Variants in B3GALNT2 observed in about 807,000 individuals in gnomAD.
B3GALNT2 encodes the protein beta-1,3-N-acetylgalactosaminyltransferase 2.
In B3GALNT2, 53 loss-of-function variants were observed where a neutral mutation model predicts 61.1. The observed-to-expected ratio is 0.87, with a 90% CI of 0.70 to 1.09. B3GALNT2 has a LOEUF of 1.09. Ranked by LOEUF, B3GALNT2 falls within the 50% of genes least tolerant of loss-of-function variation. The pLI is 0.00. For missense variants in B3GALNT2, 544 were observed against 623.0 expected, an observed-to-expected ratio of 0.87 and a Z score of 1.35; for synonymous variants, 223 against 237.4, an observed-to-expected ratio of 0.94 and a Z score of 0.56.
chr1:235,500,642 C>G (rs1025677043), intron 1 of B3GALNT2, among the ~76,000 whole-genome samples: 3 of 152,066 alleles, frequency 2.0e-5, no homozygotes, highest in African/African-American at 7.3e-5. Flanking sequence ...AACATGTGAG[C>G]CTGTCACAGA....
At chr1:235,442,480 ATTCT>A (rs1558394794), downstream of B3GALNT2, among the ~76,000 whole-genome samples, 10 of 152,342 alleles carry the variant, frequency 6.6e-5, no homozygotes, top group Admixed American at 3.9e-4. Flanking sequence ...AAAGAAATGA[ATTCT>A]TTAAAACATG....
At chr1:235,480,905 CAAAAAAAAAAAAAAAAAAAAAAA>C (rs55666590) in intron 4 of B3GALNT2, among the ~76,000 whole-genome samples, 10 of 31,172 alleles carry the variant, frequency 3.2e-4, no homozygotes, top group South Asian at 2.2e-3. Flanking sequence ...GACTCTGTCT[CAAAAAAAAAAAAAAAAAAAAAAA>C]AAAAAAAAAA....
Position 235,458,762 on chromosome 1 carries a change from A to C in B3GALNT2, c.866T>G (p.Leu289Arg). Residue 289 changes from leucine (L) to arginine (R), a missense_variant, in exon 8 of 12, where the codon CTT becomes CGT. Transcript: ENST00000366600. The part of the protein sequence containing the change: ...IQEGDALLHN[L>R]HSRPQRLIDH... Reference sequence around the variant, plus strand: ...AATAAGTCTTTGAGGGCGAGAATGAAGGTTGTGTAAGAGAGCATCACCTTC... The same window carrying C: ...AATAAGTCTTTGAGGGCGAGAATGACGGTTGTGTAAGAGAGCATCACCTTC... The C allele has an allele frequency of 6.3e-7, 1 of 1,599,150 alleles. No homozygotes were observed.
intron 4 of B3GALNT2, among the ~76,000 whole-genome samples, 165 bp from the exon 5 acceptor site, chr1:235,480,314 T>C (rs573916741): frequency 3.3e-5 from 5 of 152,288 alleles, no homozygotes; most frequent in Non-Finnish European, 7.3e-5. Context: ...GGTTTTCTAG[T>C]GCAGTCATGG....
At chr1:235,441,869 A>G in the B3GALNT2 span, 1 of 1,614,062 alleles carries the variant, frequency 6.2e-7, no homozygotes. Context: ...TTATGCTGAA[A>G]AACCAGCTAC....
rs1397100464 is a variant in B3GALNT2, at chr1:235,447,330, C to T, written c.*2876G>A. 6.6e-6 allele frequency among the ~76,000 whole-genome samples: 1 copy of T among 152,180 alleles called. No individual in the cohort carries two copies. Among genetic ancestry groups the T allele is most frequent in the African/African-American group, 2.4e-5 (1 of 41,436 alleles). ...GAATACACTGTGATATTTGTAGGAA[C>T]ACCACACTATTGCTGTATCTCCAGC... On this transcript the variant is annotated 3_prime_UTR_variant, in exon 12 of 12. Coordinates refer to ENST00000366600, the MANE Select transcript of B3GALNT2 (RefSeq NM_152490.5).
chr1:235,458,420 T>C (rs1456797096), intron 8 of B3GALNT2, among the ~76,000 whole-genome samples, 183 bp downstream of exon 8: 1 of 151,960 alleles, frequency 6.6e-6, no homozygotes. Context: ...CACAGTGTCA[T>C]GTGCCTGTAA....
chr1:235,473,167 C>A (rs1474122041), intron 5 of B3GALNT2, among the ~76,000 whole-genome samples: 5 of 152,204 alleles, frequency 3.3e-5, no homozygotes, highest in Non-Finnish European at 7.4e-5. Context: ...CCTGCCTCAG[C>A]CTCCCAAAGT....
intron 7 of B3GALNT2, chr1:235,464,124 A>C (rs1393483953): frequency 6.6e-6 from 1 of 152,224 alleles, no homozygotes; most frequent in Non-Finnish European, 1.5e-5. Context: ...TAAAACTATA[A>C]AACTCTTGGA....
chr1:235,469,118 A>G (rs913522032), intron 6 of B3GALNT2, among the ~76,000 whole-genome samples: 1 of 152,206 alleles, frequency 6.6e-6, no homozygotes, highest in Admixed American at 6.5e-5. Flanking sequence ...CTGGACTGTA[A>G]GTTCCACGGT....
chr1:235,479,009 T>C (rs1396482041), intron 5 of B3GALNT2: 1 of 152,240 alleles, frequency 6.6e-6, no homozygotes, highest in East Asian at 1.9e-4. Context: ...AGCAGTATGC[T>C]GAGAGTAGCG....
intron 8 of B3GALNT2, 152 bp from the exon 9 acceptor site, chr1:235,455,836 T>G: frequency 1.0e-6 from 1 of 993,552 alleles, no homozygotes; most frequent in East Asian, 2.6e-5. Context: ...TAACAAAATT[T>G]TGCTGCTATC....
intron 1 of B3GALNT2, among the ~76,000 whole-genome samples, chr1:235,499,048 C>T (rs1685466913): frequency 6.6e-6 from 1 of 151,970 alleles, no homozygotes; most frequent in South Asian, 2.1e-4. Context: ...ATCATAGTGT[C>T]ACCTATTAAT....
At chr1:235,460,952 G>A (rs1020826871) in intron 7 of B3GALNT2, among the ~76,000 whole-genome samples, 6 of 152,182 alleles carry the variant, frequency 3.9e-5, no homozygotes, top group Admixed American at 3.9e-4. Context: ...CACTTCACAA[G>A]TTAATGAGTC....
chr1:235,484,700 TTAAGAA>T, intron 3 of B3GALNT2, 185 bp from the exon 4 acceptor site: 1 of 1,158,256 alleles, frequency 8.6e-7, no homozygotes, highest in Non-Finnish European at 1.2e-6. Context: ...TTTTTGAAAT[TTAAGAA>T]TAAAGTTTTC....
rs1215379248 is a variant in B3GALNT2, at chr1:235,470,867, C to T, written c.745G>A (p.Val249Ile). ...HKVTVNDGGG[V>I]LRVITAGEGA... ...CGACTTACTGTAATGACTCTGAGAA[C>T]TCCCCCTCCATCATTCACTGTCACT... The change falls in exon 6 of 12, where the codon GTT becomes ATT. Residue 249 changes from valine (V) to isoleucine (I), a missense_variant. By Grantham distance (29) the Val-to-Ile change is conservative (BLOSUM62 3). Coordinates refer to ENST00000366600, the MANE Select transcript of B3GALNT2 (RefSeq NM_152490.5). 1 of 1,613,920 alleles carries T rather than the reference C, an allele frequency of 6.2e-7. No individual in the cohort carries two copies. Among genetic ancestry groups the T allele is most frequent in the African/African-American group, 1.3e-5 (1 of 75,020 alleles).
At chr1:235,496,740 T>C (rs563108340) in intron 1 of B3GALNT2, among the ~76,000 whole-genome samples, 33 of 152,120 alleles carry the variant, frequency 2.2e-4, no homozygotes, top group South Asian at 1.5e-3. Flanking sequence ...GAGATGGAGT[T>C]TCACCATCTT....
downstream of B3GALNT2, chr1:235,442,872 C>T (rs1451611643): frequency 6.2e-7 from 1 of 1,614,044 alleles, no homozygotes; most frequent in East Asian, 2.2e-5. Context: ...AAAATACCCT[C>T]ATCAACTTGA....
At chr1:235,466,230 CTTTTTTT>C (rs57389033) in intron 6 of B3GALNT2, among the ~76,000 whole-genome samples, 3 of 134,506 alleles carry the variant, frequency 2.2e-5, no homozygotes, top group African/African-American at 8.2e-5. Context: ...TTTAATTTTT[CTTTTTTT>C]TTTTTTTTCA....
Sources: allele counts gnomAD v4.1 joint callset (sites outside exome capture counted in the v4.1 genomes callset), GRCh38; gene constraint gnomAD v4.1.1; transcripts MANE v1.5; gene names NCBI Gene and HGNC (gene_info 2026-07-23, HGNC 2026-07-21).